Variants in KIF1B observed in about 807,000 individuals in gnomAD.
KIF1B encodes the protein kinesin family member 1B.
In KIF1B, 76 loss-of-function variants were observed where a neutral mutation model predicts 241.9. The observed-to-expected ratio is 0.31, with a 90% CI of 0.26 to 0.38. KIF1B has a LOEUF of 0.38. Ranked by LOEUF, KIF1B falls within the 10% of genes least tolerant of loss-of-function variation. The pLI, the probability that KIF1B is intolerant of heterozygous loss-of-function variation, is 1.00. For missense variants in KIF1B, 1,622 were observed against 2,271.4 expected, an observed-to-expected ratio of 0.71 and a Z score of 5.81; for synonymous variants, 750 against 796.7, an observed-to-expected ratio of 0.94 and a Z score of 0.99.
Position 10,303,186 on chromosome 1 carries a change from C to T in KIF1B, c.2115+5940C>T, listed in dbSNP as rs116859745. 1.5e-4 allele frequency: 238 copies of T among 1,613,236 alleles called. 1 individual carries two copies. In the East Asian group the frequency reaches 4.8e-3, roughly 33 times the overall value. On this transcript the variant is annotated intron_variant, in intron 22 of 48. Coordinates refer to ENST00000676179, the MANE Select transcript of KIF1B (RefSeq NM_001365951.3). This position sits in a 1 kb window ranked among gnomAD's most constrained non-coding sequence, Gnocchi z 5.2. ...AGGACGCGGATTCTGATAGCGGGGA[C>T]GATTCTGACAAGAGGTCGTGTGAAG...
In KIF1B at chr1:10,345,525, T is replaced by A. The variant is rs72867407; in HGVS notation, c.3689-320T>A. The stretch of plus-strand genomic sequence containing the variant: ...CCACGTTAGTCCCATGCTTTACGTG[T>A]CACACAATCTGAGATTCTGGAATTG... On this transcript the variant is annotated intron_variant, in intron 34 of 48. Transcript: ENST00000676179. 553 of 353,774 alleles carry A rather than the reference T, an allele frequency of 1.6e-3. 4 individuals carry two copies. The highest frequency in any genetic ancestry group is 0.011 in the African/African-American group (528 of 47,054). The allele number at this position is 353,774 out of a possible 1,614,324, so 21.9% of individuals were successfully genotyped here. A position where few individuals can be genotyped will look rare whatever the true frequency, so the allele number is the denominator to read the frequency against.
chr1:10,374,296 C>T lies in KIF1B; in HGVS notation c.4947-20C>T. On this transcript the variant is annotated intron_variant, in intron 45 of 48. Transcript: ENST00000676179. This position sits in a 1 kb window ranked among gnomAD's most constrained non-coding sequence, Gnocchi z 4.3. ...TGATTCTCTTGTTACCCTTTTCTTT[C>T]TAATCTCTCTATTTTAAAGGACCCC... is the stretch of plus-strand genomic sequence containing the variant. The T allele has an allele frequency of 1.2e-6, 2 of 1,612,066 alleles. No individual in the cohort carries two copies. Among genetic ancestry groups the T allele is most frequent in the Non-Finnish European group, 1.7e-6 (2 of 1,178,162 alleles).
chr1:10,270,953 A>T (rs1648760870), intron 7 of KIF1B, among the ~76,000 whole-genome samples: 1 of 151,526 alleles, frequency 6.6e-6, no homozygotes, highest in South Asian at 2.1e-4. Flanking sequence ...GAAAGAAAAT[A>T]AATGTCAAAT....
At chr1:10,348,866 C>T in intron 37 of KIF1B, 133 bp downstream of exon 37, 2 of 725,172 alleles carry the variant, frequency 2.8e-6, no homozygotes, top group Non-Finnish European at 4.9e-6. Flanking sequence ...GCCTCAAACT[C>T]CTGGGCTCAA....
chr1:10,312,799 C>T (rs939428566), intron 22 of KIF1B, among the ~76,000 whole-genome samples: 6 of 151,614 alleles, frequency 4.0e-5, no homozygotes, highest in East Asian at 3.9e-4. Context: ...TACTAGTACT[C>T]GCCACTAAAA....
At chr1:10,227,579 T>C (rs1646926285) in intron 1 of KIF1B, 1 of 152,112 alleles carries the variant, frequency 6.6e-6, no homozygotes, top group Non-Finnish European at 1.5e-5. Context: ...GCAAGAATAC[T>C]TAATAAGCTG....
intron 16 of KIF1B, among the ~76,000 whole-genome samples, 186 bp downstream of exon 16, chr1:10,291,347 A>C (rs1649986736): frequency 6.6e-6 from 1 of 152,230 alleles, no homozygotes; most frequent in Non-Finnish European, 1.5e-5. Flanking sequence ...ACATCTACAT[A>C]TTTAAATATT....
chr1:10,314,493 C>T (rs1347217734), intron 22 of KIF1B, among the ~76,000 whole-genome samples: 1 of 151,382 alleles, frequency 6.6e-6, no homozygotes, highest in Admixed American at 6.6e-5. Flanking sequence ...AGTCTTGGCT[C>T]ACTGCAACCT....
chr1:10,236,801 AGAT>A (rs1289817425), intron 2 of KIF1B, among the ~76,000 whole-genome samples: 1 of 151,956 alleles, frequency 6.6e-6, no homozygotes, highest in Non-Finnish European at 1.5e-5. Context: ...TTTGTATGAA[AGAT>A]GATATTTTAG....
intron 44 of KIF1B, among the ~76,000 whole-genome samples, chr1:10,369,865 G>T (rs1201999048): frequency 6.6e-6 from 1 of 151,894 alleles, no homozygotes; most frequent in Non-Finnish European, 1.5e-5. Flanking sequence ...CTGGGAGGTG[G>T]AGGTTGCAGT....
At chr1:10,305,092 A>G in intron 22 of KIF1B, 1 of 1,068,006 alleles carries the variant, frequency 9.4e-7, no homozygotes, top group Non-Finnish European at 1.1e-6. Context: ...AAATTGGTTT[A>G]AAAATAATAA....
At chr1:10,339,732 T>C (rs1442035177) in intron 31 of KIF1B, 37 bp from the exon 32 acceptor site, 1 of 1,553,566 alleles carries the variant, frequency 6.4e-7, no homozygotes, top group East Asian at 2.2e-5. Context: ...AACCGTTTAA[T>C]GCATTGTTCA....
chr1:10,368,631 T>A, intron 44 of KIF1B, 93 bp downstream of exon 44: 1 of 1,045,236 alleles, frequency 9.6e-7, no homozygotes, highest in Non-Finnish European at 1.5e-6. Flanking sequence ...TTGCTGCTTT[T>A]AAGCAACTTG....
intron 22 of KIF1B, chr1:10,304,916 ATACT>A (rs748420765): frequency 3.3e-5 from 44 of 1,324,858 alleles, no homozygotes; most frequent in East Asian, 2.8e-4. Context: ...CCTAATTAAT[ATACT>A]TACTTACACA....
In KIF1B at chr1:10,379,924, A is replaced by C. The variant is rs915036442; in HGVS notation, c.*3337A>C. On this transcript the variant is annotated 3_prime_UTR_variant, in exon 49 of 49. Transcript: ENST00000676179. ...GGCAGTGGCCGGGCACCTGAGCCCC[A>C]GCTCGTTGTTAAACGTGCTGACGGC... The C allele has an allele frequency of 8.7e-6, 2 of 229,852 alleles. No individual in the cohort carries two copies. Among genetic ancestry groups the C allele is most frequent in the Non-Finnish European group, 1.7e-5 (2 of 115,748 alleles). 14.2% of individuals were successfully genotyped at this position (229,852 alleles called of 1,614,324 possible).
At chr1:10,316,188 G>A (rs1651297057) in intron 22 of KIF1B, among the ~76,000 whole-genome samples, 1 of 150,674 alleles carries the variant, frequency 6.6e-6, no homozygotes, top group Non-Finnish European at 1.5e-5. Flanking sequence ...AGCTATGATT[G>A]TACCATTGCA....
Position 10,331,379 on chromosome 1 carries a change from C to A in KIF1B, c.2925-3141C>A, listed in dbSNP as rs150698452. ...AACTTTTTAGAACTTTTCATTCTTA[C>A]GTTTTTTTACACCAGAGCTTCAACT... On this transcript the variant is annotated intron_variant, in intron 27 of 48. Coordinates refer to ENST00000676179, the MANE Select transcript of KIF1B (RefSeq NM_001365951.3). Among the ~76,000 whole-genome samples the A allele has an allele frequency of 1.6e-4, 24 of 152,276 alleles. 1 individual carries two copies. The highest frequency in any genetic ancestry group is 1.3e-4 in the Non-Finnish European group (9 of 68,006).
In KIF1B at chr1:10,293,996, C is replaced by A. The variant is rs192097159; in HGVS notation, c.1591-1090C>A. Among the ~76,000 whole-genome samples, 67 of 152,264 alleles carry A rather than the reference C, an allele frequency of 4.4e-4. No individual in the cohort carries two copies. The East Asian group carries it at 0.011, about 25-fold the overall frequency. On this transcript the variant is annotated intron_variant, in intron 17 of 48. Transcript: ENST00000676179. ...ACAAAGGGCTTTGACTTTCTCAAACCAGTCAAGTTCTTCAACTACAAAGGG... is the reference window on the plus strand; with the variant it reads ...ACAAAGGGCTTTGACTTTCTCAAACAAGTCAAGTTCTTCAACTACAAAGGG...
intron 26 of KIF1B, among the ~76,000 whole-genome samples, 198 bp from the exon 27 acceptor site, chr1:10,325,913 A>G (rs1055406533): frequency 2.0e-5 from 3 of 152,210 alleles, no homozygotes; most frequent in Non-Finnish European, 4.4e-5. Context: ...TAGTCCTTAC[A>G]TAACTTTTTC....
Sources: gnomAD v4.1 joint callset for allele counts (sites outside exome capture counted in the v4.1 genomes callset) on GRCh38, gnomAD v4.1.1 for gene constraint, Gnocchi (gnomAD v3.1) non-coding constraint, MANE v1.5 for transcripts, NCBI Gene and HGNC (gene_info 2026-07-23, HGNC 2026-07-21) for gene names.